The following PRPF6 variants were observed in gnomAD, a reference collection of about 807,000 sequenced individuals.
PRPF6 encodes the protein pre-mRNA processing factor 6, also known as pre-mRNA-processing factor 6.
A neutral mutation model predicts 118.3 loss-of-function variants in PRPF6; 42 were observed. The ratio of observed to expected loss-of-function variants is 0.35; its 90% CI spans 0.28 to 0.46. PRPF6 has a LOEUF of 0.46. Among genes scored for constraint, PRPF6 ranks in the 20% least tolerant of loss-of-function variants. PRPF6 has a pLI of 1.00. For synonymous variants in PRPF6, 481 were observed against 485.1 expected (o/e 0.99, Z 0.11); for missense variants, 662 against 1,255.7 (o/e 0.53, Z 7.15).
chr20:64,032,168 GAC>G (rs1179224586), intron 20 of PRPF6, 124 bp downstream of exon 20: 1 of 1,469,602 alleles, frequency 6.8e-7, no homozygotes, highest in African/African-American at 1.4e-5. Flanking sequence ...CGGGAGGATG[GAC>G]CGGGTGTGTG....
At chr20:63,991,502 G>A (rs1372743716) in intron 3 of PRPF6, among the ~76,000 whole-genome samples, 2 of 152,060 alleles carry the variant, frequency 1.3e-5, no homozygotes, top group Admixed American at 6.6e-5. Context: ...TTAAAAAGTA[G>A]TGTACTTGGC....
In PRPF6 at chr20:64,026,955, G is replaced by A; in HGVS notation, c.2029-27G>A. On this transcript the variant is annotated intron_variant, in intron 15 of 20. Coordinates refer to ENST00000266079, the MANE Select transcript of PRPF6 (RefSeq NM_012469.4). The surrounding 1 kb of genome is among the most constrained non-coding windows in gnomAD (Gnocchi z 4.4). ...GCACGTACCCTGGAGCTGATGCCCTGCGTGACAGTGCATGTCTGCCCCACA... is the reference window on the plus strand; with the variant it reads ...GCACGTACCCTGGAGCTGATGCCCTACGTGACAGTGCATGTCTGCCCCACA... The A allele has an allele frequency of 1.2e-6, 2 of 1,613,564 alleles. No homozygotes were observed. The highest frequency in any genetic ancestry group is 1.7e-6 in the Non-Finnish European group (2 of 1,179,924).
intron 3 of PRPF6, among the ~76,000 whole-genome samples, chr20:63,988,890 A>G (rs1372486153): frequency 2.6e-5 from 4 of 152,104 alleles, no homozygotes; most frequent in Non-Finnish European, 4.4e-5. Context: ...AAGAAAAAGA[A>G]AAAATAATTC....
chr20:64,025,802 G>C (rs1444737243), intron 14 of PRPF6, 137 bp from the exon 15 acceptor site: 2 of 1,504,324 alleles, frequency 1.3e-6, no homozygotes, highest in Admixed American at 1.7e-5. Context: ...TCCTCCCTGG[G>C]AAGGGCTTGG....
intron 3 of PRPF6, among the ~76,000 whole-genome samples, chr20:63,986,288 T>C (rs1157527394): frequency 7.3e-6 from 1 of 136,670 alleles, no homozygotes; most frequent in Non-Finnish European, 1.5e-5. Context: ...GAGGTTGCAG[T>C]GAGCCGAGGT....
intron 1 of PRPF6, 52 bp downstream of exon 1, chr20:63,981,368 G>C: frequency 1.3e-6 from 2 of 1,509,170 alleles, no homozygotes; most frequent in Middle Eastern, 1.7e-4. Flanking sequence ...CAGGAGCGCA[G>C]TGCTTTGGGG....
chr20:63,992,421 C>G (rs1569212981), intron 3 of PRPF6, among the ~76,000 whole-genome samples: 1 of 152,260 alleles, frequency 6.6e-6, no homozygotes, highest in East Asian at 1.9e-4. Context: ...GCCACCACGC[C>G]TGGCTAATTT....
At chr20:64,018,837 A>G (rs1039824115) in intron 12 of PRPF6, among the ~76,000 whole-genome samples, 1 of 152,092 alleles carries the variant, frequency 6.6e-6, no homozygotes, top group Non-Finnish European at 1.5e-5. Context: ...GAAGAGCTTC[A>G]CTTTCTCCTT....
chr20:63,996,648 T>C (rs144323400), intron 6 of PRPF6, among the ~76,000 whole-genome samples: 164 of 152,312 alleles, frequency 1.1e-3, no homozygotes, highest in African/African-American at 3.8e-3. Flanking sequence ...GTAAAACTTT[T>C]TGGGCCAGGC....
chr20:64,000,189 C>G (rs1025783665), intron 8 of PRPF6, among the ~76,000 whole-genome samples: 3 of 152,048 alleles, frequency 2.0e-5, no homozygotes, highest in African/African-American at 7.2e-5. Context: ...TTGGTCAGCT[C>G]TTCACCCGCC....
At position 64,029,916 on chromosome 20, in the gene PRPF6, A is replaced by C. The variant is rs1170924716; in HGVS notation, c.2546+425A>C. ...CCGCCGGGTCAGAGACTCACTGGGGACACATGTGATTCACACTGGTGTGCT... is the reference window on the plus strand; with the variant it reads ...CCGCCGGGTCAGAGACTCACTGGGGCCACATGTGATTCACACTGGTGTGCT... On this transcript the variant is annotated intron_variant, in intron 19 of 20. Transcript: ENST00000266079. The surrounding 1 kb of genome is among the most constrained non-coding windows in gnomAD (Gnocchi z 4.8). 6.7e-6 allele frequency among the ~76,000 whole-genome samples: 1 copy of C among 149,072 alleles called. No homozygotes were observed. The highest frequency in any genetic ancestry group is 2.5e-5 in the African/African-American group (1 of 39,510).
intron 3 of PRPF6, among the ~76,000 whole-genome samples, 181 bp from the exon 4 acceptor site, chr20:63,993,226 A>AAGTGTGTG (rs1555916904): frequency 4.6e-5 from 6 of 129,298 alleles, no homozygotes. Flanking sequence ...AAAAAAAAAA[A>AAGTGTGTG]TGTGTGTGTG....
chr20:63,989,255 C>T (rs1366381356), intron 3 of PRPF6, among the ~76,000 whole-genome samples: 1 of 152,134 alleles, frequency 6.6e-6, no homozygotes, highest in African/African-American at 2.4e-5. Flanking sequence ...GACTTTAAGA[C>T]CTCAAGCTGA....
At chr20:63,995,955 C>T (rs962515802) in intron 6 of PRPF6, among the ~76,000 whole-genome samples, 1 of 151,948 alleles carries the variant, frequency 6.6e-6, no homozygotes, top group Non-Finnish European at 1.5e-5. Context: ...CTGCACTTGG[C>T]CTTTTTTTAA....
intron 1 of PRPF6, 37 bp downstream of exon 1, chr20:63,981,353 G>T: frequency 6.5e-7 from 1 of 1,544,180 alleles, no homozygotes. Flanking sequence ...GCGGGGACCC[G>T]GCTACAGGAG....
chr20:64,028,587 C>T lies in PRPF6; in HGVS notation c.2431+18C>T, dbSNP rs2059301866. The T allele has an allele frequency of 6.2e-7, 1 of 1,608,612 alleles. No individual in the cohort carries two copies. ...CAACTCCGGTAAGGGGGTGCCCCGA[C>T]TCCGGTAAGGGGGTGCCCTGACTCC... is the stretch of plus-strand genomic sequence containing the variant. On this transcript the variant is annotated intron_variant, in intron 18 of 20. Coordinates refer to ENST00000266079, the MANE Select transcript of PRPF6 (RefSeq NM_012469.4). The surrounding 1 kb of genome is among the most constrained non-coding windows in gnomAD (Gnocchi z 6.5).
rs151241432 is a variant in PRPF6 at position 63,984,863 on chromosome 20, G to A, written c.241-44G>A. 118 of 1,387,276 alleles carry A rather than the reference G, an allele frequency of 8.5e-5. No individual in the cohort carries two copies. In the African/African-American group the frequency reaches 1.5e-3, roughly 18 times the overall value. 85.9% of individuals were successfully genotyped at this position (1,387,276 alleles called of 1,614,324 possible). ...TCTCCGTTTCGCTGGTGGGGATGGT[G>A]TTGAAGGAAAAGCTGACCTCTACAC... On this transcript the variant is annotated intron_variant, in intron 2 of 20. Transcript: ENST00000266079.
intron 3 of PRPF6, among the ~76,000 whole-genome samples, chr20:63,992,488 C>A (rs991762513): frequency 6.6e-6 from 1 of 151,850 alleles, no homozygotes; most frequent in African/African-American, 2.4e-5. Context: ...AACTCCTGAC[C>A]TCAGGTGATC....
intron 11 of PRPF6, among the ~76,000 whole-genome samples, chr20:64,015,371 C>T (rs1277274858): frequency 6.6e-6 from 1 of 152,240 alleles, no homozygotes; most frequent in Non-Finnish European, 1.5e-5. Context: ...ACCTTTGTGC[C>T]AGCGTCTCTG....
Sources: gnomAD v4.1 joint callset for allele counts (sites outside exome capture counted in the v4.1 genomes callset) on GRCh38, gnomAD v4.1.1 for gene constraint, Gnocchi (gnomAD v3.1) non-coding constraint, MANE v1.5 for transcripts, NCBI Gene and HGNC (gene_info 2026-07-23, HGNC 2026-07-21) for gene names.